The following CTNNA3 variants were observed in gnomAD, a reference collection of about 807,000 sequenced individuals.
The protein encoded by CTNNA3 is catenin alpha 3.
In CTNNA3, 76 loss-of-function variants were observed where a neutral mutation model predicts 95.7. The ratio of observed to expected loss-of-function variants is 0.79; its 90% CI spans 0.66 to 0.96. The LOEUF is 0.96. Among genes scored for constraint, CTNNA3 ranks in the 40% least tolerant of loss-of-function variants. CTNNA3 has a pLI of 0.00. For missense variants in CTNNA3, 1,191 were observed against 1,089.8 expected (o/e 1.09, Z -1.31); for synonymous variants, 431 against 374.4 (o/e 1.15, Z -1.74).
At chr10:66,804,509 A>G (rs1841563128) in intron 7 of CTNNA3, among the ~76,000 whole-genome samples, 2 of 152,060 alleles carry the variant, frequency 1.3e-5, no homozygotes, top group Admixed American at 1.3e-4. Flanking sequence ...TTTTATGTCT[A>G]CAATATACAC....
chr10:67,108,887 CT>C (rs1858782481), intron 7 of CTNNA3, among the ~76,000 whole-genome samples: 2 of 152,248 alleles, frequency 1.3e-5, no homozygotes, highest in South Asian at 4.1e-4. Flanking sequence ...TTCCCACAAT[CT>C]TTGCAAATTA....
Position 65,920,604 on chromosome 10 carries a change from G to C in CTNNA3, c.2414C>G (p.Thr805Arg), listed in dbSNP as rs200392000. ...ATTTTTGGCTGCTTGGATCAGGGAT[G>C]TGACACTGTCCAACTGTAGGGAAAA... ...ELIMSALDSV[T>R]SLIQAAKNLM... The change falls in exon 18 of 18, where the codon ACA (threonine) becomes AGA (arginine). Residue 805 changes from threonine to arginine, a missense_variant. Physicochemically the swap from Thr to Arg is moderately conservative, Grantham distance 71. Transcript: ENST00000433211. The C allele has an allele frequency of 1.2e-6, 2 of 1,613,466 alleles. No individual in the cohort carries two copies. The highest frequency in any genetic ancestry group is 2.7e-5 in the African/African-American group (2 of 75,020).
intron 9 of CTNNA3, among the ~76,000 whole-genome samples, chr10:66,752,856 G>GCA (rs148337293): frequency 2.1e-4 from 31 of 149,848 alleles, no homozygotes; most frequent in Admixed American, 2.7e-4. Flanking sequence ...ACACACACAC[G>GCA]CACACACACA....
chr10:67,178,257 C>T (rs1288468144), intron 7 of CTNNA3, among the ~76,000 whole-genome samples: 1 of 152,070 alleles, frequency 6.6e-6, no homozygotes, highest in South Asian at 2.1e-4. Flanking sequence ...TTTATAAGTA[C>T]CTCTATACTC....
chr10:67,727,659 G>T (rs1320366219), intron 1 of CTNNA3, among the ~76,000 whole-genome samples: 2 of 121,322 alleles, frequency 1.6e-5, no homozygotes, highest in South Asian at 2.4e-4. Flanking sequence ...TATTATATAT[G>T]ATATATAATA....
chr10:67,719,934 TAA>T (rs1841168018), intron 1 of CTNNA3, among the ~76,000 whole-genome samples: 1 of 151,972 alleles, frequency 6.6e-6, no homozygotes, highest in Non-Finnish European at 1.5e-5. Flanking sequence ...TGTGGAAATC[TAA>T]GTCTCTTTGT....
chr10:66,814,622 C>A (rs544230659), intron 7 of CTNNA3, among the ~76,000 whole-genome samples: 1 of 151,902 alleles, frequency 6.6e-6, no homozygotes, highest in African/African-American at 2.4e-5. Context: ...ATTAGCCAGG[C>A]GTGCTAGCAC....
upstream of CTNNA3, among the ~76,000 whole-genome samples, chr10:67,699,920 T>G (rs537804798): frequency 2.8e-4 from 42 of 152,336 alleles, 1 homozygote; most frequent in African/African-American, 9.4e-4. Context: ...ACTCCCACCC[T>G]AATACTGCGC....
intron 7 of CTNNA3, among the ~76,000 whole-genome samples, chr10:67,133,278 C>A (rs1860111989): frequency 7.6e-6 from 1 of 130,980 alleles, no homozygotes; most frequent in African/African-American, 2.9e-5. Flanking sequence ...GCATAGTGTT[C>A]TATAGCCTTA....
At chr10:67,627,770 G>A (rs564738896) in intron 2 of CTNNA3, among the ~76,000 whole-genome samples, 6 of 151,938 alleles carry the variant, frequency 3.9e-5, no homozygotes, top group African/African-American at 1.4e-4. Flanking sequence ...TACAAACACT[G>A]ATATAAAACA....
At chr10:67,438,605 C>T (rs144472462) in intron 5 of CTNNA3, among the ~76,000 whole-genome samples, 1,615 of 152,168 alleles carry the variant, frequency 0.011, 13 homozygotes, top group Middle Eastern at 0.017. Flanking sequence ...AATCACAGCA[C>T]CTGGTTTTAA....
At chr10:67,425,395 G>C (rs1466884307) in intron 5 of CTNNA3, among the ~76,000 whole-genome samples, 1 of 152,026 alleles carries the variant, frequency 6.6e-6, no homozygotes, top group Non-Finnish European at 1.5e-5. Flanking sequence ...TCAATGACAG[G>C]AAGGAAGAAA....
intron 10 of CTNNA3, 44 bp from the exon 11 acceptor site, chr10:66,520,817 T>A: frequency 1.3e-6 from 2 of 1,537,320 alleles, no homozygotes; most frequent in South Asian, 1.1e-5. Flanking sequence ...GGTTGCAATG[T>A]TCACTATTTG....
At chr10:67,740,083 G>C (rs186143845) in intron 1 of CTNNA3, among the ~76,000 whole-genome samples, 1 of 152,148 alleles carries the variant, frequency 6.6e-6, no homozygotes, top group Non-Finnish European at 1.5e-5. Flanking sequence ...AATAAATGGT[G>C]CTGAGAAAAC....
intron 9 of CTNNA3, among the ~76,000 whole-genome samples, chr10:66,750,561 C>T (rs900619728): frequency 5.9e-5 from 9 of 152,146 alleles, no homozygotes; most frequent in Admixed American, 2.0e-4. Flanking sequence ...CTATTCTATA[C>T]TATTTATCTA....
chr10:67,056,631 A>G (rs1005800506), intron 7 of CTNNA3, among the ~76,000 whole-genome samples: 2 of 152,170 alleles, frequency 1.3e-5, no homozygotes, highest in African/African-American at 2.4e-5. Context: ...AGGGCATTCC[A>G]AATTAAGTGG....
chr10:67,594,692 C>CA (rs1842885474), intron 3 of CTNNA3, among the ~76,000 whole-genome samples: 1 of 150,948 alleles, frequency 6.6e-6, no homozygotes, highest in African/African-American at 2.4e-5. Flanking sequence ...TTTGTTCTTT[C>CA]AAAAAACAAA....
chr10:67,415,704 A>C (rs1845515801), intron 5 of CTNNA3, among the ~76,000 whole-genome samples: 1 of 152,180 alleles, frequency 6.6e-6, no homozygotes, highest in Admixed American at 6.5e-5. Context: ...TACTAAGCAA[A>C]AGGAAAAAAG....
chr10:66,545,077 G>T (rs201940997), intron 10 of CTNNA3, among the ~76,000 whole-genome samples: 1 of 152,020 alleles, frequency 6.6e-6, no homozygotes, highest in East Asian at 1.9e-4. Context: ...GAATACTAAA[G>T]TTGAACGGGT....
Sources: gnomAD v4.1 joint callset for allele counts (sites outside exome capture counted in the v4.1 genomes callset) on GRCh38, gnomAD v4.1.1 for gene constraint, MANE v1.5 for transcripts, NCBI Gene and HGNC (gene_info 2026-07-23, HGNC 2026-07-21) for gene names.